Variants in NRXN1 observed in about 807,000 individuals in gnomAD.
NRXN1 encodes neurexin 1, also known as neurexin-1.
In NRXN1, 39 loss-of-function variants were observed where a neutral mutation model predicts 150.9. That is an observed-to-expected ratio of 0.26 (90% CI 0.20 to 0.34). The LOEUF is 0.34. NRXN1 is among the 10% of genes least tolerant of loss of function. The pLI is 1.00. For synonymous variants in NRXN1, 924 were observed against 757.0 expected (o/e 1.22, Z -3.62); for missense variants, 1,815 against 1,949.9 (o/e 0.93, Z 1.30).
chr2:50,570,992 G>C (rs890741679), intron 8 of NRXN1, among the ~76,000 whole-genome samples: 4 of 152,038 alleles, frequency 2.6e-5, no homozygotes, highest in African/African-American at 9.7e-5. Context: ...AGCTGTTTTT[G>C]ACCAAGCCAC....
chr2:50,935,873 G>C (rs890899611), intron 2 of NRXN1, among the ~76,000 whole-genome samples: 1 of 151,994 alleles, frequency 6.6e-6, no homozygotes, highest in Non-Finnish European at 1.5e-5. Context: ...AATAGACTTT[G>C]CCAAGTCTAT....
intron 16 of NRXN1, among the ~76,000 whole-genome samples, chr2:50,468,445 A>G (rs1404934931): frequency 1.3e-5 from 2 of 151,590 alleles, no homozygotes; most frequent in Non-Finnish European, 3.0e-5. Context: ...CTTCTAGACA[A>G]TACTTAAACA....
chr2:50,904,525 C>T (rs146422251), intron 5 of NRXN1, among the ~76,000 whole-genome samples: 149 of 152,200 alleles, frequency 9.8e-4, no homozygotes, highest in African/African-American at 3.5e-3. Context: ...GTGCAGTAAA[C>T]TGCTGATGCA....
intron 8 of NRXN1, among the ~76,000 whole-genome samples, chr2:50,606,426 T>C (rs1022424723): frequency 6.6e-6 from 1 of 151,766 alleles, no homozygotes; most frequent in Non-Finnish European, 1.5e-5. Context: ...AGAATTGTGG[T>C]TGCCAGGGCC....
chr2:50,410,814 G>A (rs578138663), intron 17 of NRXN1, among the ~76,000 whole-genome samples: 1 of 152,224 alleles, frequency 6.6e-6, no homozygotes, highest in Non-Finnish European at 1.5e-5. Flanking sequence ...TTTGAAGAGA[G>A]ACCAGGGAGC....
intron 9 of NRXN1, among the ~76,000 whole-genome samples, chr2:50,550,484 C>T (rs1044786620): frequency 1.3e-5 from 2 of 152,018 alleles, no homozygotes; most frequent in East Asian, 1.9e-4. Context: ...CATCCACAAG[C>T]TAATATTTCA....
At chr2:50,769,656 A>T (rs1269457882) in intron 5 of NRXN1, among the ~76,000 whole-genome samples, 2 of 152,102 alleles carry the variant, frequency 1.3e-5, no homozygotes, top group African/African-American at 4.8e-5. Flanking sequence ...TCACTAGGCT[A>T]CAAGGAAATT....
At chr2:50,045,905 A>C (rs1691729941) in intron 21 of NRXN1, among the ~76,000 whole-genome samples, 1 of 152,210 alleles carries the variant, frequency 6.6e-6, no homozygotes, top group South Asian at 2.1e-4. Context: ...TCATGAGCCC[A>C]ATCTAGTCTA....
At chr2:50,821,575 T>A (rs1049983465) in intron 5 of NRXN1, among the ~76,000 whole-genome samples, 3 of 152,162 alleles carry the variant, frequency 2.0e-5, no homozygotes, top group Non-Finnish European at 4.4e-5. Context: ...ATAAGCACCA[T>A]AGAAGTGCAA....
intron 5 of NRXN1, among the ~76,000 whole-genome samples, chr2:50,695,348 A>G (rs1446322482): frequency 4.6e-5 from 7 of 152,190 alleles, no homozygotes; most frequent in Non-Finnish European, 1.0e-4. Context: ...TTGCTAAATA[A>G]TTTCAAGGAT....
At chr2:50,515,176 A>T (rs1164163704) in intron 12 of NRXN1, among the ~76,000 whole-genome samples, 2 of 152,136 alleles carry the variant, frequency 1.3e-5, no homozygotes, top group African/African-American at 2.4e-5. Context: ...TGCAAACCCT[A>T]TTGTGAACTG....
chr2:50,373,294 T>TTATTATTATTATTATTATTATTA (rs1553512407), intron 17 of NRXN1, among the ~76,000 whole-genome samples: 7 of 140,396 alleles, frequency 5.0e-5, no homozygotes, highest in South Asian at 4.4e-4. Context: ...TATTTTATTT[T>TTATTATTATTATTATTATTATTA]TTATTATTAT....
At chr2:50,333,780 G>C (rs1011428385) in intron 17 of NRXN1, among the ~76,000 whole-genome samples, 1 of 151,946 alleles carries the variant, frequency 6.6e-6, no homozygotes, top group Non-Finnish European at 1.5e-5. Flanking sequence ...GCACTTGATT[G>C]ATTGGTCTCT....
chr2:50,526,301 T>C (rs538120770), intron 12 of NRXN1, among the ~76,000 whole-genome samples: 37 of 152,334 alleles, frequency 2.4e-4, no homozygotes, highest in African/African-American at 7.7e-4. Context: ...AAGATATCAA[T>C]TGAGGTATTT....
chr2:50,880,205 A>T (rs1443065768), intron 5 of NRXN1, among the ~76,000 whole-genome samples: 1 of 151,906 alleles, frequency 6.6e-6, no homozygotes, highest in Non-Finnish European at 1.5e-5. Flanking sequence ...TCAGAATTAG[A>T]ATGCTTTGTA....
intron 8 of NRXN1, among the ~76,000 whole-genome samples, chr2:50,592,380 C>T (rs1674418784): frequency 6.6e-6 from 1 of 152,120 alleles, no homozygotes. Flanking sequence ...ACTGCCTGCA[C>T]TCTGTGCATC....
Position 50,260,792 on chromosome 2 carries a change from T to C in NRXN1, c.3365-23822A>G, listed in dbSNP as rs190245750. On this transcript the variant is annotated intron_variant, in intron 17 of 22. Transcript: ENST00000401669. ...CTAAACCATAGCAGCTTAAGCCATA[T>C]ATTTGAAGCACAGATTTCAGCAAGA... Among the ~76,000 whole-genome samples the C allele has an allele frequency of 2.8e-3, 419 of 151,752 alleles. 1 individual carries two copies. Among genetic ancestry groups the C allele is most frequent in the African/African-American group, 9.4e-3 (390 of 41,488 alleles).
rs557008152 is a variant in NRXN1 at position 50,300,143 on chromosome 2, A to G, written c.3365-63173T>C. 2.6e-5 allele frequency among the ~76,000 whole-genome samples: 4 copies of G among 152,324 alleles called. No homozygotes were observed. In the East Asian group the frequency reaches 7.7e-4, roughly 29 times the overall value. ...CAATTTTTCTTTAATGGACATTTGTAAGCTAAAGAGCAACCAGGAAAAGGT... is the reference window on the plus strand; with the variant it reads ...CAATTTTTCTTTAATGGACATTTGTGAGCTAAAGAGCAACCAGGAAAAGGT... On this transcript the variant is annotated intron_variant, in intron 17 of 22. Transcript: ENST00000401669.
intron 21 of NRXN1, among the ~76,000 whole-genome samples, chr2:49,984,442 CAATA>C (rs1419763365): frequency 1.3e-5 from 2 of 151,968 alleles, no homozygotes; most frequent in Non-Finnish European, 2.9e-5. Context: ...ACTTCTCTAG[CAATA>C]AAAACTTTTT....
Sources: gnomAD v4.1 joint callset for allele counts (sites outside exome capture counted in the v4.1 genomes callset) on GRCh38, gnomAD v4.1.1 for gene constraint, MANE v1.5 for transcripts, NCBI Gene and HGNC (gene_info 2026-07-23, HGNC 2026-07-21) for gene names.